LYZL1: variants seen among roughly 807,000 people sequenced by gnomAD.
The protein encoded by LYZL1 is lysozyme like 1.
In LYZL1, 16 loss-of-function variants were observed where a neutral mutation model predicts 17.9. That is an observed-to-expected ratio of 0.90 (90% confidence interval 0.61 to 1.36). LYZL1 has a LOEUF of 1.36. Among genes scored for constraint, LYZL1 ranks in the 40% most tolerant of loss-of-function variants. The pLI, the probability that LYZL1 is intolerant of heterozygous loss-of-function variation, is 0.00. For synonymous variants in LYZL1, 58 were observed against 71.8 expected, an observed-to-expected ratio of 0.81 and a Z score of 0.97; for missense variants, 149 against 188.4, an observed-to-expected ratio of 0.79 and a Z score of 1.22.
intron 1 of LYZL1, among the ~76,000 whole-genome samples, chr10:29,290,590 C>G (rs1266744903): frequency 6.6e-6 from 1 of 152,164 alleles, no homozygotes; most frequent in Non-Finnish European, 1.5e-5. Context: ...CCTGTTATCC[C>G]AGCACTTTGG....
At chr10:29,301,736 A>C (rs4749411) in intron 3 of LYZL1, among the ~76,000 whole-genome samples, 51,932 of 151,994 alleles carry the variant, frequency 0.34, 9,176 homozygotes, top group African/African-American at 0.44. Flanking sequence ...AAAACATTTC[A>C]GTCATTCTTT....
intron 3 of LYZL1, among the ~76,000 whole-genome samples, chr10:29,303,764 G>A (rs1835553113): frequency 1.3e-5 from 2 of 152,162 alleles, no homozygotes; most frequent in Admixed American, 1.3e-4. Flanking sequence ...TTAGCCTCAG[G>A]CCAGAGAGTT....
chr10:29,307,532 A>G (rs532284715), intron 3 of LYZL1, among the ~76,000 whole-genome samples: 2 of 152,296 alleles, frequency 1.3e-5, no homozygotes, highest in East Asian at 3.9e-4. Context: ...TTAAATGTAA[A>G]TTGTCACATG....
intron 3 of LYZL1, among the ~76,000 whole-genome samples, chr10:29,293,743 CAGGTAGATAACCTG>C (rs1376870323): frequency 6.6e-6 from 1 of 151,986 alleles, no homozygotes; most frequent in Non-Finnish European, 1.5e-5. Context: ...GAGGCCGAGG[CAGGTAGATAACCTG>C]AGGTCAGGAG....
chr10:29,315,915 C>T (rs2132843981), downstream of LYZL1, among the ~76,000 whole-genome samples: 1 of 152,292 alleles, frequency 6.6e-6, no homozygotes, highest in African/African-American at 2.4e-5. Context: ...CCCACTCCAG[C>T]CCTGCTCAGC....
At chr10:29,293,076 CTTTCT>C (rs1803192025) in intron 3 of LYZL1, among the ~76,000 whole-genome samples, 1 of 141,730 alleles carries the variant, frequency 7.1e-6, no homozygotes, top group Non-Finnish European at 1.6e-5. Flanking sequence ...CTTTAGGTTT[CTTTCT>C]TTTCTTTTCC....
chr10:29,289,092 G>A lies in LYZL1; in HGVS notation c.-164G>A, dbSNP rs138642353. ...GCTAGGAAAGGATTACTCGCGCCTC[G>A]TTAGAATCAGACATGGCTTCAGGGG... is the stretch of plus-strand genomic sequence containing the variant. On this transcript the variant is annotated 5_prime_UTR_variant, in exon 1 of 5. Coordinates refer to ENST00000649382, the MANE Select transcript of LYZL1 (RefSeq NM_032517.6). The A allele has an allele frequency of 0.011, 17,762 of 1,545,880 alleles. 285 individuals are homozygous for A. The highest frequency in any genetic ancestry group is 0.06 in the Middle Eastern group (341 of 5,712).
At chr10:29,306,549 C>CAAAAAAAAAAAAAAAAAAA (rs58001118) in intron 3 of LYZL1, among the ~76,000 whole-genome samples, 2 of 48,804 alleles carry the variant, frequency 4.1e-5, no homozygotes, top group East Asian at 4.9e-4. Context: ...GACTCCGTCT[C>CAAAAAAAAAAAAAAAAAAA]AAAAAAAAAA....
intron 4 of LYZL1, among the ~76,000 whole-genome samples, chr10:29,310,458 C>T (rs1269249045): frequency 6.6e-6 from 1 of 150,424 alleles, no homozygotes; most frequent in African/African-American, 2.5e-5. Flanking sequence ...AAGGTATTTT[C>T]TAAAGTGACT....
At chr10:29,294,067 TAG>T (rs1835414552) in intron 3 of LYZL1, among the ~76,000 whole-genome samples, 1 of 150,922 alleles carries the variant, frequency 6.6e-6, no homozygotes, top group South Asian at 2.1e-4. Context: ...AAGATTTGGG[TAG>T]AGATAGAGAA....
intron 1 of LYZL1, among the ~76,000 whole-genome samples, chr10:29,290,408 C>A (rs917156922): frequency 6.6e-6 from 1 of 152,200 alleles, no homozygotes; most frequent in African/African-American, 2.4e-5. Flanking sequence ...CTCTGCTCCC[C>A]CAGGTGCTTT....
At chr10:29,295,821 G>A (rs974625055) in intron 3 of LYZL1, among the ~76,000 whole-genome samples, 1 of 152,154 alleles carries the variant, frequency 6.6e-6, no homozygotes, top group African/African-American at 2.4e-5. Context: ...GGAGTAAGGG[G>A]CCATGAGTCA....
At chr10:29,310,087 C>T (rs200062429) in intron 3 of LYZL1, 23 bp from the exon 4 acceptor site, 1 of 1,577,338 alleles carries the variant, frequency 6.3e-7, no homozygotes, top group East Asian at 2.2e-5. Context: ...TCGCCTAACC[C>T]TGATGTCTTC....
At chr10:29,314,274 G>A (rs987392502), downstream of LYZL1, among the ~76,000 whole-genome samples, 7 of 152,152 alleles carry the variant, frequency 4.6e-5, no homozygotes, top group African/African-American at 1.4e-4. Flanking sequence ...CAACCTGTAA[G>A]CTCTTTGAGG....
In LYZL1 at chr10:29,310,174, A is replaced by T; in HGVS notation, c.363A>T (p.Gln121His). The change falls in exon 4 of 5, where the codon CAA (glutamine) becomes CAT (histidine). Residue 121 changes from glutamine to histidine, a missense_variant. By Grantham distance (24) the Gln-to-His change is conservative. This residue lies in a region of LYZL1 where 130 missense variants were observed against 132.5 expected (regional missense o/e 0.98). Transcript: ENST00000649382. ...ICARKIVKETQGMNYWQGWKK... is the reference protein window; with the variant it reads ...ICARKIVKETHGMNYWQGWKK... ...CCAGGAAAATTGTTAAAGAGACACA[A>T]GGAATGAACTATTGGTAAGAGTGTT... 1 of 1,608,128 alleles carries T rather than the reference A, an allele frequency of 6.2e-7. No homozygotes were observed. The highest frequency in any genetic ancestry group is 8.5e-7 in the Non-Finnish European group (1 of 1,174,642).
Position 29,289,150 on chromosome 10 carries a change from G to A in LYZL1, c.-106G>A, listed in dbSNP as rs564269306. On this transcript the variant is annotated 5_prime_UTR_variant, in exon 1 of 5. Transcript: ENST00000649382. ...ACGCTCCCCTGAGCTGCCTGTCACCGACTAAGTGGAGCAGTGTTTCTTCCG... is the reference window on the plus strand; with the variant it reads ...ACGCTCCCCTGAGCTGCCTGTCACCAACTAAGTGGAGCAGTGTTTCTTCCG... 22 of 1,608,234 alleles carry A rather than the reference G, an allele frequency of 1.4e-5. No individual in the cohort carries two copies. Among genetic ancestry groups the A allele is most frequent in the East Asian group, 8.9e-5 (4 of 44,742 alleles).
chr10:29,298,421 C>G (rs1281351583), intron 3 of LYZL1, among the ~76,000 whole-genome samples: 3 of 152,136 alleles, frequency 2.0e-5, no homozygotes, highest in Non-Finnish European at 4.4e-5. Context: ...CTGCTGATGC[C>G]TACTCTTATT....
chr10:29,309,737 G>C (rs115569596), intron 3 of LYZL1, among the ~76,000 whole-genome samples: 10,165 of 152,160 alleles, frequency 0.067, 392 homozygotes, highest in South Asian at 0.14. Context: ...CTCAAGGGAT[G>C]CTCCCACCTC....
At chr10:29,301,227 G>A (rs1293976592) in intron 3 of LYZL1, among the ~76,000 whole-genome samples, 1 of 152,258 alleles carries the variant, frequency 6.6e-6, no homozygotes, top group East Asian at 1.9e-4. Context: ...TTTGCCTGCT[G>A]CCATCCATCT....
Sources: allele counts gnomAD v4.1 joint callset (sites outside exome capture counted in the v4.1 genomes callset), GRCh38; gene constraint gnomAD v4.1.1; regional missense constraint gnomAD v4.1.1; transcripts MANE v1.5; gene names NCBI Gene and HGNC (gene_info 2026-07-23, HGNC 2026-07-21).